The following POR variants were observed in gnomAD, a reference collection of about 807,000 sequenced individuals.
POR encodes the protein NADPH--cytochrome P450 reductase.
A neutral mutation model predicts 84.0 loss-of-function variants in POR; 56 were observed. The ratio of observed to expected loss-of-function variants is 0.67; its 90% CI spans 0.54 to 0.83. POR has a LOEUF of 0.83. Ranked by LOEUF, POR falls within the 40% of genes least tolerant of loss-of-function variation. POR has a pLI of 0.00. For missense variants in POR, 938 were observed against 944.3 expected, an observed-to-expected ratio of 0.99 and a Z score of 0.09; for synonymous variants, 414 against 400.5, an observed-to-expected ratio of 1.03 and a Z score of -0.40.
intron 3 of POR, among the ~76,000 whole-genome samples, chr7:75,976,717 A>G (rs1788712358): frequency 6.6e-6 from 1 of 152,084 alleles, no homozygotes; most frequent in Non-Finnish European, 1.5e-5. Flanking sequence ...ACTGCACTCC[A>G]GCCTAGGCGA....
intron 7 of POR, chr7:75,981,901 G>A: frequency 1.8e-6 from 1 of 571,274 alleles, no homozygotes; most frequent in Non-Finnish European, 3.1e-6. Flanking sequence ...CCACAGACTT[G>A]GCCAAAAACA....
At chr7:75,926,509 G>C (rs1554549518) in intron 1 of POR, among the ~76,000 whole-genome samples, 1 of 152,068 alleles carries the variant, frequency 6.6e-6, no homozygotes. Context: ...CAAATATTGA[G>C]TGCTGGCCAG....
At chr7:75,940,209 A>G (rs1807908231) in intron 1 of POR, among the ~76,000 whole-genome samples, 1 of 151,830 alleles carries the variant, frequency 6.6e-6, no homozygotes, top group South Asian at 2.1e-4. Context: ...TCAGCCTCCC[A>G]AGTACCTGGG....
chr7:75,967,166 G>C (rs1788223251), intron 2 of POR, among the ~76,000 whole-genome samples: 2 of 152,240 alleles, frequency 1.3e-5, no homozygotes, highest in African/African-American at 2.4e-5. Flanking sequence ...GTAGAGACAG[G>C]CTGTTTCGCC....
At chr7:75,919,909 G>T (rs1267757341) in intron 1 of POR, among the ~76,000 whole-genome samples, 1 of 152,072 alleles carries the variant, frequency 6.6e-6, no homozygotes, top group Admixed American at 6.6e-5. Flanking sequence ...GTGGCATTCG[G>T]ATCTCCTTTG....
chr7:75,928,382 A>C (rs1428612649), intron 1 of POR, among the ~76,000 whole-genome samples: 1 of 152,210 alleles, frequency 6.6e-6, no homozygotes, highest in African/African-American at 2.4e-5. Flanking sequence ...GGACACCTGC[A>C]GCAGACGTAT....
At position 75,986,636 on chromosome 7, in the gene POR, C is replaced by T. The variant is rs1436008751; in HGVS notation, c.*155C>T. On this transcript the variant is annotated 3_prime_UTR_variant, in exon 16 of 16. Transcript: ENST00000461988. ...TGGGCCTGGGGTGCATCCTCCTCAGCCCCCAGGCCAGGTGAGGTCCACCGG... is the reference window on the plus strand; with the variant it reads ...TGGGCCTGGGGTGCATCCTCCTCAGTCCCCAGGCCAGGTGAGGTCCACCGG... The T allele has an allele frequency of 2.2e-5, 21 of 959,170 alleles. No individual in the cohort carries two copies. The African/African-American group carries it at 3.0e-4, about 14-fold the overall frequency. The allele number at this position is 959,170 out of a possible 1,614,324, so 59.4% of individuals were successfully genotyped here.
chr7:75,982,482 C>A (rs1348020251), intron 8 of POR, among the ~76,000 whole-genome samples, 160 bp downstream of exon 8: 1 of 152,196 alleles, frequency 6.6e-6, no homozygotes, highest in Non-Finnish European at 1.5e-5. Context: ...CGGCCCGGCC[C>A]CAGGAGACTG....
At chr7:75,965,658 G>T (rs546303552) in intron 2 of POR, among the ~76,000 whole-genome samples, 1 of 152,182 alleles carries the variant, frequency 6.6e-6, no homozygotes, top group Non-Finnish European at 1.5e-5. Flanking sequence ...CGGAAAATTA[G>T]CCCTAGTCCT....
At chr7:75,960,226 G>C (rs1365316682) in intron 2 of POR, among the ~76,000 whole-genome samples, 1 of 151,980 alleles carries the variant, frequency 6.6e-6, no homozygotes, top group Admixed American at 6.6e-5. Flanking sequence ...GGGATGCCAA[G>C]GCTGCCGAGC....
At position 75,984,825 on chromosome 7, in the gene POR, C is replaced by T. The variant is rs367810540; in HGVS notation, c.1115C>T (p.Thr372Met). ...TTCCCGTGCCCTACGTCCTACCGCA[C>T]GGCCCTCACCTACTACCTGGACATC... is the stretch of plus-strand genomic sequence containing the variant. Residue 372 changes from threonine (T) to methionine (M), a missense_variant, in exon 11 of 16, where the codon ACG becomes ATG. Transcript: ENST00000461988. 2.4e-4 allele frequency: 379 copies of T among 1,612,556 alleles called. 2 individuals are homozygous for T. Among genetic ancestry groups the T allele is most frequent in the Middle Eastern group, 1.3e-3 (8 of 6,082 alleles).
At chr7:75,968,172 C>T (rs1225899624) in intron 2 of POR, 3 of 460,808 alleles carry the variant, frequency 6.5e-6, no homozygotes, top group African/African-American at 6.0e-5. Context: ...GCCCTCATGC[C>T]CCTTGGCCAG....
rs1554558226 is a variant in POR, at chr7:75,982,388, C to T, written c.830+66C>T. ...GCCACTGGTGCACCCCAGGCTCAGT[C>T]TGCCGTGTATCCCCATATCCCCACA... On this transcript the variant is annotated intron_variant, in intron 8 of 15. Coordinates refer to ENST00000461988, the MANE Select transcript of POR (RefSeq NM_000941.3). 6.1e-6 allele frequency: 8 copies of T among 1,322,092 alleles called. No individual in the cohort carries two copies. In the East Asian group the frequency reaches 1.7e-4, roughly 29 times the overall value. The allele number at this position is 1,322,092 out of a possible 1,614,324, so 81.9% of individuals were successfully genotyped here.
chr7:75,986,807 ATAATTT>A lies in POR; in HGVS notation c.*330_*335del. On this transcript the variant is annotated 3_prime_UTR_variant, in exon 16 of 16. Transcript: ENST00000461988. ...TCCACGTGATTTCCAGTGAGTGTAA[ATAATTT>A]TAAATAACCTCTGGCCCTTGGAATA... 1 of 575,800 alleles carries A rather than the reference ATAATTT, an allele frequency of 1.7e-6. No individual in the cohort carries two copies. 35.7% of individuals were successfully genotyped at this position (575,800 alleles called of 1,614,324 possible).
rs41299496 is a variant in POR, at chr7:75,981,044, G to A, written c.517-4G>A. ...GCCTCAGAGCGGCCCCTGTGTCCAC[G>A]CAGGTGTTTGGTCTTGGGAACAAGA... is the stretch of plus-strand genomic sequence containing the variant. On this transcript the variant is annotated splice_polypyrimidine_tract_variant and splice_region_variant and intron_variant, in intron 5 of 15. Transcript: ENST00000461988. 1.2e-3 allele frequency: 1,877 copies of A among 1,568,482 alleles called. 1 individual carries two copies. The African/African-American group carries it at 0.014, about 11-fold the overall frequency.
intron 1 of POR, among the ~76,000 whole-genome samples, chr7:75,953,098 C>T (rs1787521981): frequency 6.6e-6 from 1 of 152,206 alleles, no homozygotes; most frequent in African/African-American, 2.4e-5. Flanking sequence ...TGGAGGATCA[C>T]TCGCGGTTAG....
intron 1 of POR, among the ~76,000 whole-genome samples, chr7:75,917,008 C>T (rs1262881434): frequency 6.6e-6 from 1 of 152,046 alleles, no homozygotes; most frequent in Non-Finnish European, 1.5e-5. Flanking sequence ...TTGGCAAATC[C>T]AGAACATTTA....
chr7:75,933,365 A>C (rs191826632), intron 1 of POR, among the ~76,000 whole-genome samples: 177 of 149,068 alleles, frequency 1.2e-3, no homozygotes, highest in African/African-American at 4.3e-3. Flanking sequence ...CATGTTATAC[A>C]ATAGGTCTTT....
rs140386224 is a variant in POR at position 75,949,071 on chromosome 7, G to T, written c.-4-4918G>T. Among the ~76,000 whole-genome samples the T allele has an allele frequency of 4.6e-5, 7 of 152,324 alleles. No individual in the cohort carries two copies. In the East Asian group the frequency reaches 1.4e-3, roughly 29 times the overall value. On this transcript the variant is annotated intron_variant, in intron 1 of 15. Coordinates refer to ENST00000461988, the MANE Select transcript of POR (RefSeq NM_000941.3). ...AAGGGGAGCGTAGTAAGAAATGTGG[G>T]TGGTGGGAGTGGGTTCTGAGGGCCG... is the stretch of plus-strand genomic sequence containing the variant.
Sources: gnomAD v4.1 joint callset for allele counts (sites outside exome capture counted in the v4.1 genomes callset) on GRCh38, gnomAD v4.1.1 for gene constraint, MANE v1.5 for transcripts, NCBI Gene and HGNC (gene_info 2026-07-23, HGNC 2026-07-21) for gene names.